Variants in CAMSAP1 observed in about 807,000 individuals in gnomAD.
The protein encoded by CAMSAP1 is calmodulin-regulated spectrin-associated protein 1.
Under a neutral mutation model 143.5 loss-of-function variants are expected in CAMSAP1, and 58 were observed. That is an observed-to-expected ratio of 0.40 (90% CI 0.33 to 0.50). The LOEUF (loss-of-function observed/expected upper bound fraction) is 0.50. CAMSAP1 is among the 20% of genes least tolerant of loss of function. CAMSAP1 has a pLI of 0.45. For synonymous variants in CAMSAP1, 945 were observed against 859.3 expected, an observed-to-expected ratio of 1.10 and a Z score of -1.74; for missense variants, 1,969 against 2,115.7, an observed-to-expected ratio of 0.93 and a Z score of 1.36.
intron 5 of CAMSAP1, among the ~76,000 whole-genome samples, chr9:135,851,112 C>T (rs1194620418): frequency 6.6e-6 from 1 of 152,212 alleles, no homozygotes; most frequent in East Asian, 1.9e-4. Context: ...AGGCCTCCCC[C>T]TAGTCTAGGC....
chr9:135,882,985 C>T lies in CAMSAP1; in HGVS notation c.254G>A (p.Ser85Asn). 1.3e-6 allele frequency: 2 copies of T among 1,551,742 alleles called. No individual in the cohort carries two copies. Among genetic ancestry groups the T allele is most frequent in the Non-Finnish European group, 1.7e-6 (2 of 1,147,000 alleles). ...GCTGCAGACACGGCAGTACAGCTCG[C>T]TGGACAGGAGAAGCTTGATAACAGG... Reference protein sequence around the residue: ...KPPVIKLLLSSELYCRVCSLI... With the variant: ...KPPVIKLLLSNELYCRVCSLI... Residue 85 changes from serine to asparagine, a missense_variant, in exon 2 of 17, where the codon AGC becomes AAC. Physicochemically the swap from Ser to Asn is conservative, Grantham distance 46. Transcript: ENST00000389532. This position sits in a 1 kb window ranked among gnomAD's most constrained non-coding sequence, Gnocchi z 4.9.
chr9:135,880,474 T>C (rs1027642343), intron 3 of CAMSAP1, among the ~76,000 whole-genome samples: 1 of 152,112 alleles, frequency 6.6e-6, no homozygotes, highest in African/African-American at 2.4e-5. Flanking sequence ...GATAAGGAAA[T>C]GTAAGGAGTC....
intron 7 of CAMSAP1, among the ~76,000 whole-genome samples, chr9:135,829,796 C>A (rs761434602): frequency 1.3e-5 from 2 of 151,660 alleles, no homozygotes; most frequent in Admixed American, 6.6e-5. Flanking sequence ...GAGGTTGCAG[C>A]GAGCTGAGAT....
intron 7 of CAMSAP1, among the ~76,000 whole-genome samples, chr9:135,849,338 C>G (rs1401017008): frequency 6.6e-6 from 1 of 152,188 alleles, no homozygotes; most frequent in Non-Finnish European, 1.5e-5. Context: ...TTCCACTGAA[C>G]GTGCATCGCT....
chr9:135,888,820 T>G (rs1588506350), intron 1 of CAMSAP1, among the ~76,000 whole-genome samples: 2 of 152,326 alleles, frequency 1.3e-5, no homozygotes, highest in South Asian at 4.1e-4. Flanking sequence ...GAAAAGCTGA[T>G]GTAATGGTCC....
At chr9:135,879,019 C>T (rs1171667100) in intron 3 of CAMSAP1, among the ~76,000 whole-genome samples, 2 of 152,196 alleles carry the variant, frequency 1.3e-5, no homozygotes, top group East Asian at 1.9e-4. Context: ...TGAAAATGGG[C>T]GCCTGACCAC....
intron 1 of CAMSAP1, among the ~76,000 whole-genome samples, chr9:135,886,180 A>T (rs1020628429): frequency 1.3e-5 from 2 of 152,238 alleles, no homozygotes; most frequent in Non-Finnish European, 2.9e-5. Context: ...ATTATTAAGT[A>T]CCCATGTGAG....
At chr9:135,890,539 G>C (rs1336881719) in intron 1 of CAMSAP1, among the ~76,000 whole-genome samples, 1 of 152,132 alleles carries the variant, frequency 6.6e-6, no homozygotes, top group Non-Finnish European at 1.5e-5. Flanking sequence ...CTGGACTCTA[G>C]GGCCTGCCCA....
intron 5 of CAMSAP1, among the ~76,000 whole-genome samples, chr9:135,862,251 T>A (rs1436594418): frequency 6.8e-6 from 1 of 146,300 alleles, no homozygotes; most frequent in Non-Finnish European, 1.5e-5. Context: ...CACACCCAGC[T>A]AATTTCAAAG....
chr9:135,823,163 T>C lies in CAMSAP1; in HGVS notation c.1498A>G (p.Ser500Gly), dbSNP rs1334118460. 1.2e-6 allele frequency: 2 copies of C among 1,611,384 alleles called. No individual in the cohort carries two copies. Among genetic ancestry groups the C allele is most frequent in the African/African-American group, 2.7e-5 (2 of 74,892 alleles). The change falls in exon 11 of 17, where the codon AGC becomes GGC. Residue 500 changes from serine (S) to glycine (G), a missense_variant. By Grantham distance (56) the Ser-to-Gly change is moderately conservative (BLOSUM62 0). This residue lies in a region of CAMSAP1 where 1,390 missense variants were observed against 1,420.8 expected (regional missense o/e 0.98). Transcript: ENST00000389532. Reference sequence around the variant, plus strand: ...ATGTTGGATGCCAAACTGTCTTTGCTGATGGAGCGGGCCAAGCTGATGCTG... The same window carrying C: ...ATGTTGGATGCCAAACTGTCTTTGCCGATGGAGCGGGCCAAGCTGATGCTG... ...GDSISLARSISKDSLASNIVN... is the reference protein window; with the variant it reads ...GDSISLARSIGKDSLASNIVN...
Position 135,821,062 on chromosome 9 carries a change from A to C in CAMSAP1, c.3599T>G (p.Val1200Gly). The C allele has an allele frequency of 6.2e-7, 1 of 1,613,984 alleles. No homozygotes were observed. The highest frequency in any genetic ancestry group is 8.5e-7 in the Non-Finnish European group (1 of 1,179,882). ...CACCTCCTTCACACTCGCATCCAGA[A>C]CTTCTTTGAGGCTCATCTGCTCCGA... Reference protein sequence around the residue: ...ILSEQMSLKEVLDASVKEVGS... With the variant: ...ILSEQMSLKEGLDASVKEVGS... The change falls in exon 11 of 17, where the codon GTT becomes GGT. Residue 1200 changes from valine to glycine, a missense_variant. Around this residue, in one of 4 missense-constraint regions of CAMSAP1, gnomAD observed 1,390 missense variants for 1,420.8 expected, o/e 0.98. Transcript: ENST00000389532. The surrounding 1 kb of genome is among the most constrained non-coding windows in gnomAD (Gnocchi z 4.6).
chr9:135,863,613 C>T lies in CAMSAP1; in HGVS notation c.667-1005G>A, dbSNP rs193269497. 2.7e-3 allele frequency among the ~76,000 whole-genome samples: 418 copies of T among 152,222 alleles called. 1 individual carries two copies. The highest frequency in any genetic ancestry group is 9.7e-3 in the African/African-American group (404 of 41,538). On this transcript the variant is annotated intron_variant, in intron 4 of 16. Coordinates refer to ENST00000389532, the MANE Select transcript of CAMSAP1 (RefSeq NM_015447.4). ...TTTCAGGTTGTTATGTCAATAAGTA[C>T]ATCATGTAGAATAATCAATACTGAT...
chr9:135,883,159 C>T (rs1838014206), intron 1 of CAMSAP1, 81 bp from the exon 2 acceptor site: 2 of 1,451,180 alleles, frequency 1.4e-6, no homozygotes, highest in Non-Finnish European at 1.9e-6. Context: ...TGAACTATGA[C>T]TGTGCCACTG....
At chr9:135,892,659 TG>T (rs1351567987) in intron 1 of CAMSAP1, among the ~76,000 whole-genome samples, 1 of 151,772 alleles carries the variant, frequency 6.6e-6, no homozygotes, top group Non-Finnish European at 1.5e-5. Flanking sequence ...GAGACCATCC[TG>T]GCCAACGTGG....
In CAMSAP1 at chr9:135,878,810, G is replaced by A. The variant is rs1051218947; in HGVS notation, c.585+2823C>T. 2.6e-5 allele frequency among the ~76,000 whole-genome samples: 4 copies of A among 152,256 alleles called. No individual in the cohort carries two copies. The East Asian group carries it at 5.8e-4, about 22-fold the overall frequency. On this transcript the variant is annotated intron_variant, in intron 3 of 16. Transcript: ENST00000389532. Reference sequence around the variant, plus strand: ...CATCCTGCAGTGAGGACTCGCACCCGGGAGAAAGTCACATAAGGAGAAACC... The same window carrying A: ...CATCCTGCAGTGAGGACTCGCACCCAGGAGAAAGTCACATAAGGAGAAACC...
At chr9:135,819,231 A>G (rs1835352219) in intron 11 of CAMSAP1, 85 bp from the exon 12 acceptor site, 1 of 1,466,926 alleles carries the variant, frequency 6.8e-7, no homozygotes, top group African/African-American at 1.4e-5. Context: ...GCCGACTTCC[A>G]CTACGCTTTT....
In CAMSAP1 at chr9:135,818,556, G is replaced by A; in HGVS notation, c.4020C>T (p.Ile1340=). The change falls in exon 13 of 17, where the codon ATC becomes ATT. Residue 1340 remains isoleucine, a synonymous_variant. Transcript: ENST00000389532. The surrounding 1 kb of genome is among the most constrained non-coding windows in gnomAD (Gnocchi z 7.7). The part of the protein sequence containing the change: ...KEEEKARREL[I]KQEYLRRKQQ... The stretch of plus-strand genomic sequence containing the variant: ...GCTTCCTCCGCAGGTACTCCTGCTT[G>A]ATGAGCTCGCGCCGCGCCTTCTCCT... 1 of 1,613,224 alleles carries A rather than the reference G, an allele frequency of 6.2e-7. No homozygotes were observed. Among genetic ancestry groups the A allele is most frequent in the Non-Finnish European group, 8.5e-7 (1 of 1,179,846 alleles).
chr9:135,897,224 A>G (rs565080338), intron 1 of CAMSAP1, among the ~76,000 whole-genome samples: 4 of 152,064 alleles, frequency 2.6e-5, no homozygotes, highest in Admixed American at 2.0e-4. Context: ...GTACAATTAC[A>G]GCTCATTGTA....
At chr9:135,837,945 T>TG in intron 7 of CAMSAP1, among the ~76,000 whole-genome samples, 1 of 141,820 alleles carries the variant, frequency 7.1e-6, no homozygotes, top group African/African-American at 2.7e-5. Flanking sequence ...ACACACATCA[T>TG]CACACGCTTT....
Sources: allele counts gnomAD v4.1 joint callset (sites outside exome capture counted in the v4.1 genomes callset), GRCh38; gene constraint gnomAD v4.1.1; regional missense constraint gnomAD v4.1.1; non-coding constraint Gnocchi (gnomAD v3.1); transcripts MANE v1.5; gene names NCBI Gene and HGNC (gene_info 2026-07-23, HGNC 2026-07-21).